CDIP1: variants seen among roughly 807,000 people sequenced by gnomAD.
CDIP1 encodes the protein cell death inducing p53 target 1, also known as cell death-inducing p53-target protein 1.
CDIP1 carries 9 observed loss-of-function variants against 17.7 expected under a neutral mutation model. That is an observed-to-expected ratio of 0.51 (90% confidence interval 0.31 to 0.89). The LOEUF is 0.89. Among genes scored for constraint, CDIP1 ranks in the 40% least tolerant of loss-of-function variants. CDIP1 has a pLI of 0.05. For synonymous variants in CDIP1, 117 were observed against 109.5 expected, an observed-to-expected ratio of 1.07 and a Z score of -0.43; for missense variants, 263 against 277.9, an observed-to-expected ratio of 0.95 and a Z score of 0.38.
intron 1 of CDIP1, among the ~76,000 whole-genome samples, chr16:4,536,106 A>C (rs2059103827): frequency 1.3e-5 from 2 of 152,118 alleles, no homozygotes; most frequent in African/African-American, 4.8e-5. Context: ...TCCTCCACCT[A>C]CAGGACAGTG....
Position 4,512,461 on chromosome 16 carries a change from G to C in CDIP1, c.*111C>G, listed in dbSNP as rs769399576. On this transcript the variant is annotated 3_prime_UTR_variant, in exon 6 of 6. Transcript: ENST00000567695. This position sits in a 1 kb window ranked among gnomAD's most constrained non-coding sequence, Gnocchi z 4.6. ...GAAGAGGACAGGACTTCTAGGGGAT[G>C]GTGGCACGGCTCCCAGCCCCAAGTG... 6.5e-6 allele frequency: 5 copies of C among 772,262 alleles called. No homozygotes were observed. Among genetic ancestry groups the C allele is most frequent in the Non-Finnish European group, 1.1e-5 (5 of 439,012 alleles). The allele number at this position is 772,262 out of a possible 1,614,324, so 47.8% of individuals were successfully genotyped here. A position where few individuals can be genotyped will look rare whatever the true frequency, so the allele number is the denominator to read the frequency against.
chr16:4,513,701 G>A lies in CDIP1; in HGVS notation c.236C>T (p.Pro79Leu), dbSNP rs1311175177. The change falls in exon 4 of 6, where the codon CCT becomes CTT. Residue 79 changes from proline to leucine, a missense_variant. By Grantham distance (98) the Pro-to-Leu change is moderately conservative. Transcript: ENST00000567695. The surrounding 1 kb of genome is among the most constrained non-coding windows in gnomAD (Gnocchi z 4.1). ...PHMSADGTYM[P>L]PGFYPPPGPH... ...CAGATCCCTTCCCCACTCACCCGGAGGCATGTAGGTGCCATCTGCACTCAT... is the reference window on the plus strand; with the variant it reads ...CAGATCCCTTCCCCACTCACCCGGAAGCATGTAGGTGCCATCTGCACTCAT... 3 of 1,613,272 alleles carry A rather than the reference G, an allele frequency of 1.9e-6. No individual in the cohort carries two copies. The highest frequency in any genetic ancestry group is 2.2e-5 in the East Asian group (1 of 44,856).
At chr16:4,525,413 G>A (rs1443931273) in intron 1 of CDIP1, among the ~76,000 whole-genome samples, 2 of 152,180 alleles carry the variant, frequency 1.3e-5, no homozygotes, top group African/African-American at 4.8e-5. Context: ...ATGGCGTGCA[G>A]TGAACGTTAA....
In CDIP1 at chr16:4,517,006, G is replaced by A. The variant is rs536292797; in HGVS notation, c.-104-2342C>T. On this transcript the variant is annotated intron_variant, in intron 1 of 5. Coordinates refer to ENST00000567695, the MANE Select transcript of CDIP1 (RefSeq NM_013399.3). ...TTGATATTAATATTCCACAAAATGG[G>A]CATACTTGACCAAACCCTATTAAGA... is the stretch of plus-strand genomic sequence containing the variant. Among the ~76,000 whole-genome samples the A allele has an allele frequency of 2.2e-3, 337 of 152,080 alleles. 5 individuals are homozygous for A. The highest frequency in any genetic ancestry group is 0.02 in the South Asian group (95 of 4,820).
In CDIP1 at chr16:4,512,904, C is replaced by A; in HGVS notation, c.402G>T (p.Glu134Asp). Residue 134 changes from glutamate to aspartate, a missense_variant, in exon 5 of 6, where the codon GAG becomes GAT. By Grantham distance (45) the Glu-to-Asp change is conservative. Coordinates refer to ENST00000567695, the MANE Select transcript of CDIP1 (RefSeq NM_013399.3). This position sits in a 1 kb window ranked among gnomAD's most constrained non-coding sequence, Gnocchi z 4.6. Reference protein sequence around the residue: ...TVTVLQGEIFEGAPVQTVCPH... With the variant: ...TVTVLQGEIFDGAPVQTVCPH... ...GACACACCGTCTGCACAGGCGCTCC[C>A]TCAAAGATCTCTCCCTGCAGCACTG... The A allele has an allele frequency of 6.4e-7, 1 of 1,571,982 alleles. No homozygotes were observed. The highest frequency in any genetic ancestry group is 2.3e-5 in the East Asian group (1 of 43,166).
At chr16:4,520,956 C>T (rs1056029106) in intron 1 of CDIP1, among the ~76,000 whole-genome samples, 2 of 152,160 alleles carry the variant, frequency 1.3e-5, no homozygotes, top group Non-Finnish European at 2.9e-5. Flanking sequence ...CTTTTCCTCA[C>T]GACAGCATCA....
rs145327472 is a variant in CDIP1 at position 4,523,500 on chromosome 16, G to A, written c.-104-8836C>T. On this transcript the variant is annotated intron_variant, in intron 1 of 5. Transcript: ENST00000567695. Reference sequence around the variant, plus strand: ...CTGCACTCTAACCTGGCGACAGAGCGGGACTCCATCTCAAAGAAAGAAAAA... The same window carrying A: ...CTGCACTCTAACCTGGCGACAGAGCAGGACTCCATCTCAAAGAAAGAAAAA... Among the ~76,000 whole-genome samples the A allele has an allele frequency of 2.5e-3, 385 of 152,104 alleles. 3 individuals are homozygous for A. The highest frequency in any genetic ancestry group is 8.6e-3 in the African/African-American group (356 of 41,496).
chr16:4,525,993 C>T (rs1232909482), intron 1 of CDIP1, among the ~76,000 whole-genome samples: 1 of 152,182 alleles, frequency 6.6e-6, no homozygotes, highest in Non-Finnish European at 1.5e-5. Flanking sequence ...CACTTCAAAA[C>T]AAGCTCAACT....
intron 1 of CDIP1, among the ~76,000 whole-genome samples, chr16:4,525,805 G>A (rs551905209): frequency 5.3e-4 from 80 of 152,312 alleles, no homozygotes; most frequent in African/African-American, 1.6e-3. Flanking sequence ...GTTGTCCTCG[G>A]CTGCCAAGTT....
chr16:4,516,880 G>T (rs1038053536), intron 1 of CDIP1, among the ~76,000 whole-genome samples: 4 of 151,836 alleles, frequency 2.6e-5, no homozygotes, highest in South Asian at 2.1e-4. Context: ...GCTGATTTTT[G>T]TATTTTTTTA....
chr16:4,514,000 C>T lies in CDIP1; in HGVS notation c.85+46G>A, dbSNP rs569868640. 1.6e-5 allele frequency: 21 copies of T among 1,354,838 alleles called. No homozygotes were observed. Among genetic ancestry groups the T allele is most frequent in the East Asian group, 1.3e-4 (5 of 37,800 alleles). The allele number at this position is 1,354,838 out of a possible 1,614,324, so 83.9% of individuals were successfully genotyped here. On this transcript the variant is annotated intron_variant, in intron 3 of 5. Transcript: ENST00000567695. This position sits in a 1 kb window ranked among gnomAD's most constrained non-coding sequence, Gnocchi z 4.1. ...TTAGAGAGTCCCAACCATGCCATGG[C>T]GGCAGGGGGCTGCAATATGGAGCCT...
At chr16:4,525,653 G>A (rs1205394740) in intron 1 of CDIP1, among the ~76,000 whole-genome samples, 1 of 152,198 alleles carries the variant, frequency 6.6e-6, no homozygotes, top group Non-Finnish European at 1.5e-5. Context: ...CTGACCAGAG[G>A]GACCCTATTC....
intron 1 of CDIP1, among the ~76,000 whole-genome samples, chr16:4,537,787 C>T (rs932192267): frequency 1.3e-5 from 2 of 152,202 alleles, no homozygotes; most frequent in South Asian, 4.1e-4. Context: ...AACTCACAGC[C>T]ACTCGCCCCA....
At chr16:4,535,793 T>A (rs535483359) in intron 1 of CDIP1, among the ~76,000 whole-genome samples, 7 of 152,150 alleles carry the variant, frequency 4.6e-5, no homozygotes, top group Non-Finnish European at 1.0e-4. Context: ...CATGGGGAGG[T>A]TCTGGCCCAG....
Position 4,514,054 on chromosome 16 carries a change from G to A in CDIP1, c.77C>T (p.Pro26Leu). ...GAACAGTGACCCCCTACCTGGGGTG[G>A]GCGGGGCTCCACTTTTCTCTTCCAG... is the stretch of plus-strand genomic sequence containing the variant. The part of the protein sequence containing the change: ...PLLEEKSGAP[P>L]TPGRSSPAVM... The change falls in exon 3 of 6, where the codon CCC (proline) becomes CTC (leucine). Residue 26 changes from proline to leucine, a missense_variant. Physicochemically the swap from Pro to Leu is moderately conservative, Grantham distance 98 (BLOSUM62 -3). Transcript: ENST00000567695. This position sits in a 1 kb window ranked among gnomAD's most constrained non-coding sequence, Gnocchi z 5.2. The A allele has an allele frequency of 6.6e-7, 1 of 1,514,966 alleles. No homozygotes were observed. Among genetic ancestry groups the A allele is most frequent in the Non-Finnish European group, 8.8e-7 (1 of 1,137,602 alleles). The allele number at this position is 1,514,966 out of a possible 1,614,324, so 93.8% of individuals were successfully genotyped here. A position where few individuals can be genotyped will look rare whatever the true frequency, so the allele number is the denominator to read the frequency against.
intron 1 of CDIP1, among the ~76,000 whole-genome samples, chr16:4,523,150 G>A (rs1018829031): frequency 6.6e-6 from 1 of 152,196 alleles, no homozygotes; most frequent in African/African-American, 2.4e-5. Flanking sequence ...TCTAAGGGGA[G>A]GGCGGGGGAT....
intron 1 of CDIP1, among the ~76,000 whole-genome samples, chr16:4,515,961 C>A (rs1307303353): frequency 6.6e-6 from 1 of 152,164 alleles, no homozygotes; most frequent in African/African-American, 2.4e-5. Context: ...CCTGTCTACA[C>A]AGAAATTTGT....
Position 4,514,017 on chromosome 16 carries a change from A to G in CDIP1, c.85+29T>C, listed in dbSNP as rs1596484844. 1 of 1,412,374 alleles carries G rather than the reference A, an allele frequency of 7.1e-7. No individual in the cohort carries two copies. The highest frequency in any genetic ancestry group is 9.5e-7 in the Non-Finnish European group (1 of 1,050,290). 87.5% of individuals were successfully genotyped at this position (1,412,374 alleles called of 1,614,324 possible). A position where few individuals can be genotyped will look rare whatever the true frequency, so the allele number is the denominator to read the frequency against. ...TGCCATGGCGGCAGGGGGCTGCAATATGGAGCCTCAGGAACAGTGACCCCC... is the reference window on the plus strand; with the variant it reads ...TGCCATGGCGGCAGGGGGCTGCAATGTGGAGCCTCAGGAACAGTGACCCCC... On this transcript the variant is annotated intron_variant, in intron 3 of 5. Transcript: ENST00000567695. This position sits in a 1 kb window ranked among gnomAD's most constrained non-coding sequence, Gnocchi z 5.2.
chr16:4,512,417 G>A lies in CDIP1; in HGVS notation c.*155C>T, dbSNP rs538808680. 8.6e-4 allele frequency: 543 copies of A among 631,630 alleles called. 4 individuals carry two copies. Among genetic ancestry groups the A allele is most frequent in the South Asian group, 8.4e-3 (455 of 54,364 alleles). 39.1% of individuals were successfully genotyped at this position (631,630 alleles called of 1,614,324 possible). ...CAGAATTTTTGCCAGAAGAGTCAGC[G>A]GCTCAGGTAGGGCAGGGTGAAGAGG... On this transcript the variant is annotated 3_prime_UTR_variant, in exon 6 of 6. Transcript: ENST00000567695. The surrounding 1 kb of genome is among the most constrained non-coding windows in gnomAD (Gnocchi z 4.6).
Sources: allele counts gnomAD v4.1 joint callset (sites outside exome capture counted in the v4.1 genomes callset), GRCh38; gene constraint gnomAD v4.1.1; non-coding constraint Gnocchi (gnomAD v3.1); transcripts MANE v1.5; gene names NCBI Gene and HGNC (gene_info 2026-07-23, HGNC 2026-07-21).